Variants in GTF3C3 observed in about 807,000 individuals in gnomAD.
GTF3C3 encodes general transcription factor IIIC subunit 3.
A neutral mutation model predicts 105.2 loss-of-function variants in GTF3C3; 75 were observed. That is an observed-to-expected ratio of 0.71 (90% CI 0.59 to 0.86). The LOEUF is 0.86. Ranked by LOEUF, GTF3C3 falls within the 40% of genes least tolerant of loss-of-function variation. GTF3C3 has a pLI of 0.00. For synonymous variants in GTF3C3, 335 were observed against 370.4 expected, an observed-to-expected ratio of 0.90 and a Z score of 1.10; for missense variants, 856 against 1,076.5, an observed-to-expected ratio of 0.80 and a Z score of 2.87.
rs772765369 is a variant in GTF3C3, at chr2:196,764,695, A to AAAAG, written c.2539-14_2539-11dup. 2 of 1,603,388 alleles carry AAAAG rather than the reference A, an allele frequency of 1.2e-6. No homozygotes were observed. Among genetic ancestry groups the AAAAG allele is most frequent in the Admixed American group, 1.7e-5 (1 of 58,340 alleles). On this transcript the variant is annotated splice_polypyrimidine_tract_variant and intron_variant, in intron 17 of 17. Transcript: ENST00000263956. ...GGTCAAGTTCTATACCCTAGGGAGA[A>AAAAG]AAAGATACCTTTATGTTTAATATTT...
At chr2:196,777,942 A>C (rs1699285289) in intron 10 of GTF3C3, 1 of 152,224 alleles carries the variant, frequency 6.6e-6, no homozygotes, top group South Asian at 2.1e-4. Flanking sequence ...TTTAAAATTC[A>C]AATCTCACAA....
At chr2:196,778,739 A>G in intron 10 of GTF3C3, 157 bp downstream of exon 10, 1 of 647,876 alleles carries the variant, frequency 1.5e-6, no homozygotes, top group South Asian at 1.9e-5. Flanking sequence ...TGGGGAAATC[A>G]CTTAGTAGCC....
rs1176888273 is a variant in GTF3C3, at chr2:196,791,319, A to G, written c.535+18T>C. 5 of 1,613,228 alleles carry G rather than the reference A, an allele frequency of 3.1e-6. No individual in the cohort carries two copies. The highest frequency in any genetic ancestry group is 4.2e-6 in the Non-Finnish European group (5 of 1,179,442). On this transcript the variant is annotated intron_variant, in intron 4 of 17. Transcript: ENST00000263956. ...ACTATTAAACTGCTATTATTAACAA[A>G]GTCCCCACAGAAAACACCTTGTCTT... is the stretch of plus-strand genomic sequence containing the variant.
Position 196,764,291 on chromosome 2 carries a change from T to C in GTF3C3, c.*272A>G, listed in dbSNP as rs1195748494. The C allele has an allele frequency of 7.6e-6, 2 of 263,220 alleles. No individual in the cohort carries two copies. Among genetic ancestry groups the C allele is most frequent in the Non-Finnish European group, 1.4e-5 (2 of 138,380 alleles). The allele number at this position is 263,220 out of a possible 1,614,324, so 16.3% of individuals were successfully genotyped here. The stretch of plus-strand genomic sequence containing the variant: ...AAAAATAGTGTATTCGACTCCAAGC[T>C]AGCTCAAAGGCTTACACGTCCATTT... On this transcript the variant is annotated 3_prime_UTR_variant, in exon 18 of 18. Coordinates refer to ENST00000263956, the MANE Select transcript of GTF3C3 (RefSeq NM_012086.5).
chr2:196,793,301 AAAG>A (rs1699585660), intron 2 of GTF3C3, 149 bp from the exon 3 acceptor site: 1 of 608,842 alleles, frequency 1.6e-6, no homozygotes, highest in African/African-American at 1.9e-5. Flanking sequence ...AAACCAAACC[AAAG>A]AAGAAAGTTA....
At chr2:196,767,567 AAATG>A (rs1699089699) in intron 16 of GTF3C3, among the ~76,000 whole-genome samples, 2 of 152,216 alleles carry the variant, frequency 1.3e-5, no homozygotes, top group Non-Finnish European at 2.9e-5. Context: ...TAAATAATAA[AAATG>A]AATTATTTTA....
At chr2:196,780,167 A>G (rs1374083517) in intron 9 of GTF3C3, 3 of 532,362 alleles carry the variant, frequency 5.6e-6, no homozygotes, top group South Asian at 1.6e-4. Context: ...GGATTTGTAT[A>G]TTTTACTCAA....
rs754136659 is a variant in GTF3C3 at position 196,780,584 on chromosome 2, T to A, written c.1193A>T (p.His398Leu). ...ATTAAGTGGTTCAAGAATGTTGAGA[T>A]GTACAAGGCAGACCATCAACTTCAC... ...ITVKLMVCLV[H>L]LNILEPLNPL... Residue 398 changes from histidine (H) to leucine (L), a missense_variant, in exon 9 of 18, where the codon CAT (histidine) becomes CTT (leucine). Coordinates refer to ENST00000263956, the MANE Select transcript of GTF3C3 (RefSeq NM_012086.5). The A allele has an allele frequency of 6.2e-7, 1 of 1,613,254 alleles. No homozygotes were observed. Among genetic ancestry groups the A allele is most frequent in the South Asian group, 1.1e-5 (1 of 90,978 alleles).
intron 15 of GTF3C3, among the ~76,000 whole-genome samples, chr2:196,771,406 T>C (rs982567323): frequency 2.0e-5 from 3 of 152,238 alleles, no homozygotes; most frequent in Non-Finnish European, 4.4e-5. Flanking sequence ...TGTTGACCGT[T>C]AAAATGAATT....
Position 196,773,108 on chromosome 2 carries a change from C to T in GTF3C3, c.1877G>A (p.Trp626Ter). 1 of 1,612,034 alleles carries T rather than the reference C, an allele frequency of 6.2e-7. No individual in the cohort carries two copies. The highest frequency in any genetic ancestry group is 1.1e-5 in the South Asian group (1 of 90,476). Reference protein sequence around the residue: ...LTSVLTKDDWWNLLLKAIYSL... With the variant: ...LTSVLTKDDW Reference sequence around the variant, plus strand: ...GTATATGGCCTTCAACAGAAGATTCCACCAGTCATCCTTTGTCAAGACGCT... The same window carrying T: ...GTATATGGCCTTCAACAGAAGATTCTACCAGTCATCCTTTGTCAAGACGCT... Residue 626 changes from tryptophan to a stop codon, truncating the protein, a stop_gained, in exon 14 of 18, where the codon TGG becomes TAG. Transcript: ENST00000263956. LOFTEE classifies it high-confidence loss of function.
intron 7 of GTF3C3, 74 bp from the exon 8 acceptor site, chr2:196,785,003 G>T: frequency 1.0e-6 from 1 of 987,668 alleles, no homozygotes; most frequent in Non-Finnish European, 1.5e-6. Flanking sequence ...GATTTGTACA[G>T]TTATTTCAAA....
chr2:196,775,660 A>G (rs1699248140), intron 12 of GTF3C3, among the ~76,000 whole-genome samples: 1 of 152,220 alleles, frequency 6.6e-6, no homozygotes, highest in South Asian at 2.1e-4. Context: ...ATACACCCAC[A>G]GAGCTACCTC....
chr2:196,794,116 G>A (rs1348351482), intron 2 of GTF3C3, among the ~76,000 whole-genome samples: 1 of 152,094 alleles, frequency 6.6e-6, no homozygotes, highest in Admixed American at 6.5e-5. Flanking sequence ...TTTACAAGAA[G>A]AGGAAGACAG....
At chr2:196,781,849 A>G (rs781229370) in intron 8 of GTF3C3, among the ~76,000 whole-genome samples, 1 of 152,168 alleles carries the variant, frequency 6.6e-6, no homozygotes, top group East Asian at 1.9e-4. Flanking sequence ...GAGGACAAGA[A>G]CCATGTCTGA....
At position 196,797,797 on chromosome 2, in the gene GTF3C3, C is replaced by T. The variant is rs1173101568; in HGVS notation, c.214G>A (p.Gly72Arg). Residue 72 changes from glycine to arginine, a missense_variant and splice_region_variant, in exon 2 of 18, where the codon GGA becomes AGA. Transcript: ENST00000263956. The stretch of plus-strand genomic sequence containing the variant: ...CAGGAAGCACATAATTTTAACATAC[C>T]TTCATTGACATCTTTGTCTTGGGAT... The part of the protein sequence containing the change: ...TKSQDKDVNE[G>R]ETSDGVRKSV... 6.7e-7 allele frequency: 1 copy of T among 1,503,672 alleles called. No individual in the cohort carries two copies. Among genetic ancestry groups the T allele is most frequent in the Non-Finnish European group, 9.3e-7 (1 of 1,079,616 alleles). The allele number at this position is 1,503,672 out of a possible 1,614,324, so 93.1% of individuals were successfully genotyped here. A position where few individuals can be genotyped will look rare whatever the true frequency, so the allele number is the denominator to read the frequency against.
intron 2 of GTF3C3, among the ~76,000 whole-genome samples, chr2:196,797,406 A>G (rs1699666051): frequency 6.6e-6 from 1 of 152,204 alleles, no homozygotes; most frequent in African/African-American, 2.4e-5. Flanking sequence ...TAACATTTCT[A>G]TCTTTTCTCC....
At chr2:196,778,050 C>G (rs1203465824) in intron 10 of GTF3C3, 1 of 152,210 alleles carries the variant, frequency 6.6e-6, no homozygotes, top group African/African-American at 2.4e-5. Flanking sequence ...TCTTTCCTAG[C>G]TCATATCTGT....
chr2:196,792,781 T>A (rs1255980981), intron 3 of GTF3C3, among the ~76,000 whole-genome samples, 175 bp downstream of exon 3: 1 of 152,164 alleles, frequency 6.6e-6, no homozygotes, highest in Non-Finnish European at 1.5e-5. Flanking sequence ...CCGGCTATAA[T>A]TAAGGTTTTA....
chr2:196,798,037 A>C, intron 1 of GTF3C3, 129 bp from the exon 2 acceptor site: 1 of 629,086 alleles, frequency 1.6e-6, no homozygotes, highest in Admixed American at 2.7e-5. Context: ...GGCAGTTTAT[A>C]GAATAGGGCA....
Sources: gnomAD v4.1 joint callset for allele counts (sites outside exome capture counted in the v4.1 genomes callset) on GRCh38, gnomAD v4.1.1 for gene constraint, MANE v1.5 for transcripts, NCBI Gene and HGNC (gene_info 2026-07-23, HGNC 2026-07-21) for gene names.